The following RBMS3 variants were observed in gnomAD, a reference collection of about 807,000 sequenced individuals.
The protein encoded by RBMS3 is RNA binding motif single stranded interacting protein 3, also known as RNA-binding motif, single-stranded-interacting protein 3.
RBMS3 carries 27 observed loss-of-function variants against 66.8 expected under a neutral mutation model. That is an observed-to-expected ratio of 0.40 (90% CI 0.30 to 0.56). The LOEUF is 0.56. RBMS3 is among the 20% of genes least tolerant of loss of function. The probability of loss-of-function intolerance (pLI) is 0.40; values close to 1 mark genes in which losing one functional copy is unlikely to be tolerated. For synonymous variants in RBMS3, 188 were observed against 183.0 expected (o/e 1.03, Z -0.22); for missense variants, 513 against 549.5 (o/e 0.93, Z 0.66).
intron 3 of RBMS3, chr3:29,526,316 C>G (rs1475397465): frequency 6.6e-6 from 1 of 151,770 alleles, no homozygotes; most frequent in Non-Finnish European, 1.5e-5. Context: ...GTCAGGAGAT[C>G]GAGAACATCC....
chr3:29,805,141 G>A (rs533975685), intron 6 of RBMS3, among the ~76,000 whole-genome samples: 2 of 151,964 alleles, frequency 1.3e-5, no homozygotes, highest in Non-Finnish European at 2.9e-5. Flanking sequence ...TATGATGGCG[G>A]TCTCATCGTA....
intron 6 of RBMS3, among the ~76,000 whole-genome samples, chr3:29,828,242 T>C (rs1225568524): frequency 6.6e-6 from 1 of 152,182 alleles, no homozygotes; most frequent in Non-Finnish European, 1.5e-5. Context: ...CACTATACCG[T>C]AGACTCCTCT....
At chr3:29,876,630 C>T (rs1312714107) in intron 7 of RBMS3, among the ~76,000 whole-genome samples, 1 of 152,082 alleles carries the variant, frequency 6.6e-6, no homozygotes, top group African/African-American at 2.4e-5. Flanking sequence ...ATAGTTAATG[C>T]CTTCAGTGGC....
At chr3:29,403,400 A>G (rs1197877560) in intron 1 of RBMS3, among the ~76,000 whole-genome samples, 2 of 152,070 alleles carry the variant, frequency 1.3e-5, no homozygotes, top group African/African-American at 4.8e-5. Flanking sequence ...GTAGGATGCA[A>G]TATTGTGGAG....
chr3:29,517,232 CA>C (rs1257676298), intron 3 of RBMS3, among the ~76,000 whole-genome samples: 1 of 149,466 alleles, frequency 6.7e-6, no homozygotes, highest in Non-Finnish European at 1.5e-5. Flanking sequence ...AAAAGAAAAA[CA>C]TGAAATTCTC....
intron 3 of RBMS3, among the ~76,000 whole-genome samples, chr3:29,510,124 T>A (rs1445402375): frequency 1.3e-5 from 2 of 152,254 alleles, no homozygotes; most frequent in Non-Finnish European, 2.9e-5. Context: ...ACTGCTTCTT[T>A]AAACAATGCT....
At position 30,009,005 on chromosome 3, in the gene RBMS3, G is replaced by A. The variant is rs1466414942; in HGVS notation, c.*5143G>A. 6.6e-6 allele frequency: 1 copy of A among 152,016 alleles called. No individual in the cohort carries two copies. Among genetic ancestry groups the A allele is most frequent in the Admixed American group, 6.6e-5 (1 of 15,244 alleles). 9.4% of individuals were successfully genotyped at this position (152,016 alleles called of 1,614,324 possible). On this transcript the variant is annotated 3_prime_UTR_variant, in exon 15 of 15. Transcript: ENST00000383767. Reference sequence around the variant, plus strand: ...CTCTATAGCAAAAAAGGGATGAATGGCTTTCAATATTCATTTCTGTTTATT... The same window carrying A: ...CTCTATAGCAAAAAAGGGATGAATGACTTTCAATATTCATTTCTGTTTATT...
rs147769552 is a variant in RBMS3, at chr3:29,516,934, C to A, written c.307+28435C>A. On this transcript the variant is annotated intron_variant, in intron 3 of 14. Coordinates refer to ENST00000383767, the MANE Select transcript of RBMS3 (RefSeq NM_001003793.3). ...ATGCATTAAAACATGAACTTCTAGC[C>A]AGGTATGGTGGTGCAATCCTGTAAT... Among the ~76,000 whole-genome samples, 1,339 of 151,970 alleles carry A rather than the reference C, an allele frequency of 8.8e-3. 13 individuals are homozygous for A. Among genetic ancestry groups the A allele is most frequent in the South Asian group, 0.036 (172 of 4,818 alleles).
intron 1 of RBMS3, among the ~76,000 whole-genome samples, chr3:29,347,497 T>A (rs1479405137): frequency 6.6e-6 from 1 of 152,210 alleles, no homozygotes; most frequent in East Asian, 1.9e-4. Flanking sequence ...TTTTGTATAT[T>A]CTTGATAATT....
intron 13 of RBMS3, among the ~76,000 whole-genome samples, chr3:29,990,739 A>G (rs539209757): frequency 6.6e-6 from 1 of 152,336 alleles, no homozygotes; most frequent in Non-Finnish European, 1.5e-5. Flanking sequence ...ATGTTTGGAC[A>G]TACAAGTTTG....
At chr3:29,372,026 C>A (rs56366604) in intron 1 of RBMS3, among the ~76,000 whole-genome samples, 1 of 152,006 alleles carries the variant, frequency 6.6e-6, no homozygotes, top group Admixed American at 6.6e-5. Flanking sequence ...GATCACAGAA[C>A]AACAAGCATA....
chr3:29,689,293 C>T (rs2051872453), intron 4 of RBMS3, among the ~76,000 whole-genome samples: 1 of 152,100 alleles, frequency 6.6e-6, no homozygotes, highest in South Asian at 2.1e-4. Context: ...AGATCTACAT[C>T]TTTTTTCTGT....
chr3:29,298,093 C>A (rs2033407061), intron 1 of RBMS3, among the ~76,000 whole-genome samples: 1 of 151,862 alleles, frequency 6.6e-6, no homozygotes, highest in Non-Finnish European at 1.5e-5. Context: ...GCTCTTCATG[C>A]TCAAAACCCA....
chr3:29,528,759 G>GTT (rs1241148979), intron 3 of RBMS3, among the ~76,000 whole-genome samples: 1 of 152,076 alleles, frequency 6.6e-6, no homozygotes, highest in Non-Finnish European at 1.5e-5. Context: ...TTGAGATGGA[G>GTT]TTTTACTCCT....
At chr3:29,854,525 C>A (rs1441849470) in intron 6 of RBMS3, among the ~76,000 whole-genome samples, 3 of 152,114 alleles carry the variant, frequency 2.0e-5, no homozygotes, top group Admixed American at 2.0e-4. Context: ...AGGATATGTC[C>A]GTTACTAAAT....
chr3:29,775,272 T>A (rs982383847), intron 6 of RBMS3, among the ~76,000 whole-genome samples: 5 of 151,550 alleles, frequency 3.3e-5, no homozygotes, highest in African/African-American at 1.2e-4. Context: ...TTTATTTTTT[T>A]TTTTTGGTAA....
At chr3:29,306,361 T>C (rs928298850) in intron 1 of RBMS3, among the ~76,000 whole-genome samples, 15 of 152,066 alleles carry the variant, frequency 9.9e-5, no homozygotes, top group African/African-American at 3.6e-4. Flanking sequence ...ACTATTGGCT[T>C]CTTCAGCTTA....
chr3:29,642,339 C>T (rs749141613), intron 4 of RBMS3, among the ~76,000 whole-genome samples: 7 of 152,116 alleles, frequency 4.6e-5, no homozygotes, highest in Middle Eastern at 3.4e-3. Flanking sequence ...TGCCTGTTAA[C>T]CTTTTCTTAA....
At chr3:29,738,627 G>A (rs181580679) in intron 4 of RBMS3, among the ~76,000 whole-genome samples, 70 of 152,282 alleles carry the variant, frequency 4.6e-4, no homozygotes, top group Non-Finnish European at 4.9e-4. Context: ...TTTAGGCTTG[G>A]TCTAGGATGG....
Sources: allele counts gnomAD v4.1 joint callset (sites outside exome capture counted in the v4.1 genomes callset), GRCh38; gene constraint gnomAD v4.1.1; transcripts MANE v1.5; gene names NCBI Gene and HGNC (gene_info 2026-07-23, HGNC 2026-07-21).